INPP4B: variants seen among roughly 807,000 people sequenced by gnomAD.
INPP4B encodes inositol polyphosphate-4-phosphatase type II B, also known as inositol polyphosphate 4-phosphatase type II.
INPP4B carries 55 observed loss-of-function variants against 122.5 expected under a neutral mutation model. The ratio of observed to expected loss-of-function variants is 0.45; its 90% CI spans 0.36 to 0.56. The LOEUF (loss-of-function observed/expected upper bound fraction) is 0.56. Ranked by LOEUF, INPP4B falls within the 20% of genes least tolerant of loss-of-function variation. The probability of loss-of-function intolerance (pLI) is 0.00; values close to 1 mark genes in which losing one functional copy is unlikely to be tolerated. For missense variants in INPP4B, 1,000 were observed against 1,097.7 expected (o/e 0.91, Z 1.26); for synonymous variants, 403 against 388.7 (o/e 1.04, Z -0.43).
rs376183370 is a variant in INPP4B, at chr4:142,272,700, G to A, written c.504-1926C>T. On this transcript the variant is annotated intron_variant, in intron 9 of 25. Transcript: ENST00000262992. ...AATATGACACAATAACTTGTCATAA[G>A]TCATGGTGCAGCATGTTTCTGTATA... Among the ~76,000 whole-genome samples the A allele has an allele frequency of 5.0e-4, 76 of 152,014 alleles. 1 individual carries two copies. The highest frequency in any genetic ancestry group is 6.8e-3 in the Middle Eastern group (2 of 294).
rs547262065 is a variant in INPP4B, at chr4:142,028,782, T to C, written c.2775A>G (p.Ter925=). 6 of 1,608,948 alleles carry C rather than the reference T, an allele frequency of 3.7e-6. No individual in the cohort carries two copies. In the African/African-American group the frequency reaches 5.4e-5, roughly 14 times the overall value. ...CCTGTTTATTAACATGTTGGTAAAC[T>C]TAGGTGTCAGCTTTTCCATAAGTCC... The part of the protein sequence containing the change: ...PEGTYGKADT[*] The change falls in exon 26 of 26, where the codon TAA becomes TAG. Residue 925 remains the stop codon, a stop_retained_variant. Transcript: ENST00000262992.
intron 25 of INPP4B, among the ~76,000 whole-genome samples, chr4:142,067,874 C>T (rs540734126): frequency 2.0e-5 from 3 of 152,244 alleles, no homozygotes; most frequent in Admixed American, 2.0e-4. Flanking sequence ...CTGAAAGTGA[C>T]AGGGAGAATG....
rs183797707 is a variant in INPP4B, at chr4:142,078,209, G to A, written c.2642+3822C>T. Among the ~76,000 whole-genome samples, 10 of 152,020 alleles carry A rather than the reference G, an allele frequency of 6.6e-5. No individual in the cohort carries two copies. In the East Asian group the frequency reaches 1.5e-3, roughly 24 times the overall value. On this transcript the variant is annotated intron_variant, in intron 25 of 25. Coordinates refer to ENST00000262992, the MANE Select transcript of INPP4B (RefSeq NM_001101669.3). ...GAAAAAAAGGAAGTCTGAATTTTTT[G>A]ACAATTGTACAAAGGGTGGATTCAG...
intron 2 of INPP4B, among the ~76,000 whole-genome samples, chr4:142,534,605 A>G (rs991990235): frequency 6.6e-6 from 1 of 151,906 alleles, no homozygotes; most frequent in Non-Finnish European, 1.5e-5. Context: ...TAAATGGACT[A>G]TGACAAATGC....
chr4:142,034,234 G>C (rs752205252), intron 25 of INPP4B, among the ~76,000 whole-genome samples: 11 of 151,964 alleles, frequency 7.2e-5, no homozygotes, highest in Non-Finnish European at 1.6e-4. Context: ...TGTTACCCAG[G>C]GACATTGGGC....
At position 142,282,570 on chromosome 4, in the gene INPP4B, C is replaced by T. The variant is rs919353681; in HGVS notation, c.504-11796G>A. Among the ~76,000 whole-genome samples, 11 of 152,110 alleles carry T rather than the reference C, an allele frequency of 7.2e-5. No individual in the cohort carries two copies. The South Asian group carries it at 2.3e-3, about 31-fold the overall frequency. On this transcript the variant is annotated intron_variant, in intron 9 of 25. Transcript: ENST00000262992. The stretch of plus-strand genomic sequence containing the variant: ...AGAAAAATCCACGTTATAACTAATT[C>T]AGCTTGTTGGTAGAACTTATTTTCT...
chr4:142,760,358 T>C (rs181201713), intron 1 of INPP4B, among the ~76,000 whole-genome samples: 3 of 152,244 alleles, frequency 2.0e-5, no homozygotes, highest in Admixed American at 2.0e-4. Flanking sequence ...GAGAGGAAAC[T>C]AAAATCAGAG....
chr4:142,470,332 C>G (rs1228294238), intron 2 of INPP4B, among the ~76,000 whole-genome samples: 1 of 152,084 alleles, frequency 6.6e-6, no homozygotes. Context: ...GAAAAATGTT[C>G]AACTTCATTA....
At chr4:142,280,362 TA>T (rs2150764035) in intron 9 of INPP4B, among the ~76,000 whole-genome samples, 1 of 152,128 alleles carries the variant, frequency 6.6e-6, no homozygotes, top group Admixed American at 6.6e-5. Context: ...AATTTGGCAA[TA>T]AAAAGAAACT....
At chr4:142,548,647 C>T (rs1465281893) in intron 2 of INPP4B, among the ~76,000 whole-genome samples, 1 of 152,010 alleles carries the variant, frequency 6.6e-6, no homozygotes, top group Non-Finnish European at 1.5e-5. Flanking sequence ...TAGAGCTTCA[C>T]TCTACAGAAT....
At chr4:142,553,488 C>G (rs1013230788) in intron 2 of INPP4B, among the ~76,000 whole-genome samples, 2 of 152,162 alleles carry the variant, frequency 1.3e-5, no homozygotes, top group Non-Finnish European at 2.9e-5. Context: ...GATTACCCCA[C>G]ATGACAAGCC....
At chr4:142,709,072 G>A (rs1762803866) in intron 2 of INPP4B, among the ~76,000 whole-genome samples, 1 of 152,126 alleles carries the variant, frequency 6.6e-6, no homozygotes, top group Non-Finnish European at 1.5e-5. Flanking sequence ...GATTATTTTG[G>A]ACCTTTAAGA....
At chr4:142,517,113 T>C (rs2149897402) in intron 2 of INPP4B, among the ~76,000 whole-genome samples, 1 of 152,052 alleles carries the variant, frequency 6.6e-6, no homozygotes, top group African/African-American at 2.4e-5. Flanking sequence ...ATTCCCACCT[T>C]CCACCCTCTG....
intron 7 of INPP4B, chr4:142,347,391 A>G (rs1780622262): frequency 6.9e-6 from 2 of 290,856 alleles, no homozygotes; most frequent in Non-Finnish European, 1.3e-5. Context: ...TTATTTGGCC[A>G]GTGCTCTGAG....
At chr4:142,761,959 T>A (rs1481530562) in intron 1 of INPP4B, among the ~76,000 whole-genome samples, 2 of 152,114 alleles carry the variant, frequency 1.3e-5, no homozygotes, top group African/African-American at 4.8e-5. Flanking sequence ...AAAATGATCA[T>A]TTCTGATCTT....
intron 1 of INPP4B, among the ~76,000 whole-genome samples, chr4:142,832,302 G>GA (rs922016003): frequency 2.2e-4 from 34 of 151,228 alleles, no homozygotes; most frequent in African/African-American, 6.8e-4. Flanking sequence ...TTTAGACCAT[G>GA]AAAAAAAAAT....
At chr4:142,426,105 A>G (rs897296726) in intron 5 of INPP4B, among the ~76,000 whole-genome samples, 1 of 151,942 alleles carries the variant, frequency 6.6e-6, no homozygotes, top group Admixed American at 6.6e-5. Flanking sequence ...ATTGTTTTGG[A>G]TTTATAGTAT....
At chr4:142,738,480 G>A (rs1433129447) in intron 1 of INPP4B, among the ~76,000 whole-genome samples, 1 of 152,074 alleles carries the variant, frequency 6.6e-6, no homozygotes, top group East Asian at 1.9e-4. Context: ...AAGAGGGGAG[G>A]GATAGCATTA....
At chr4:142,307,868 GAT>G (rs753088285) in intron 8 of INPP4B, among the ~76,000 whole-genome samples, 7 of 152,134 alleles carry the variant, frequency 4.6e-5, no homozygotes, top group Non-Finnish European at 1.0e-4. Context: ...TTTTAAAATT[GAT>G]AAAGCTGGCT....
Sources: allele counts gnomAD v4.1 joint callset (sites outside exome capture counted in the v4.1 genomes callset), GRCh38; gene constraint gnomAD v4.1.1; transcripts MANE v1.5; gene names NCBI Gene and HGNC (gene_info 2026-07-23, HGNC 2026-07-21).